Variants in FAR2 observed in about 807,000 individuals in gnomAD.
The protein encoded by FAR2 is fatty acyl-CoA reductase 2.
Under a neutral mutation model 56.0 loss-of-function variants are expected in FAR2, and 19 were observed. That is an observed-to-expected ratio of 0.34 (90% CI 0.24 to 0.50). The LOEUF (loss-of-function observed/expected upper bound fraction) is 0.50, where lower values mean the gene tolerates loss of function less well. Ranked by LOEUF, FAR2 falls within the 20% of genes least tolerant of loss-of-function variation. The pLI is 0.98. For synonymous variants in FAR2, 219 were observed against 218.8 expected (o/e 1.00, Z -0.01); for missense variants, 508 against 642.2 (o/e 0.79, Z 2.26).
At chr12:29,308,719 C>CACATATATATATATAT (rs1447696148) in intron 5 of FAR2, among the ~76,000 whole-genome samples, 3 of 132,328 alleles carry the variant, frequency 2.3e-5, no homozygotes, top group African/African-American at 8.6e-5. Flanking sequence ...CACACACACA[C>CACATATATATATATAT]ATATATATAT....
intron 2 of FAR2, chr12:29,281,450 A>T (rs1170075040): frequency 6.6e-6 from 1 of 152,142 alleles, no homozygotes; most frequent in Non-Finnish European, 1.5e-5. Context: ...TCCTCTGGAA[A>T]GTTCTTCCTT....
At chr12:29,167,730 G>A (rs563684700) in intron 1 of FAR2, among the ~76,000 whole-genome samples, 2 of 152,278 alleles carry the variant, frequency 1.3e-5, no homozygotes, top group South Asian at 4.2e-4. Context: ...TCCAACAACA[G>A]TTCAAGAATT....
chr12:29,317,003 G>A lies in FAR2; in HGVS notation c.1118G>A (p.Arg373Lys), dbSNP rs747871842. ...GACTGCTATCTGCGGCTCACTGGAA[G>A]GAAGCCCAGGTGAGAAGCTGAGTCA... ...IYDCYLRLTG[R>K]KPRMTKLMNR... The change falls in exon 9 of 12, where the codon AGG becomes AAG. Residue 373 changes from arginine to lysine, a missense_variant. By Grantham distance (26) the Arg-to-Lys change is conservative. Coordinates refer to ENST00000536681, the MANE Select transcript of FAR2 (RefSeq NM_001271783.2). 124 of 1,612,622 alleles carry A rather than the reference G, an allele frequency of 7.7e-5. No homozygotes were observed. The highest frequency in any genetic ancestry group is 1.0e-4 in the Non-Finnish European group (123 of 1,179,144).
intron 1 of FAR2, among the ~76,000 whole-genome samples, chr12:29,207,488 C>A (rs1170666906): frequency 6.6e-6 from 1 of 152,168 alleles, no homozygotes; most frequent in East Asian, 1.9e-4. Context: ...GGGTTCTCAT[C>A]CCATTTACAA....
chr12:29,163,993 ATGGTTGAG>A (rs911977391), intron 1 of FAR2, among the ~76,000 whole-genome samples: 40 of 152,210 alleles, frequency 2.6e-4, no homozygotes, highest in African/African-American at 9.7e-4. Context: ...GTAGGTCAAA[ATGGTTGAG>A]TGTTGGCAAT....
In FAR2 at chr12:29,327,120, G is replaced by C. The variant is rs143585405; in HGVS notation, c.1257+5196G>C. On this transcript the variant is annotated intron_variant, in intron 10 of 11. Transcript: ENST00000536681. ...CCTATACACCAATGACAGACAAATG[G>C]AGAGCCAAATCATGAGTAAACACCC... 4.3e-4 allele frequency among the ~76,000 whole-genome samples: 66 copies of C among 152,234 alleles called. No homozygotes were observed. The East Asian group carries it at 0.01, about 24-fold the overall frequency.
intron 1 of FAR2, among the ~76,000 whole-genome samples, chr12:29,250,458 A>T (rs1396829484): frequency 6.6e-6 from 1 of 152,196 alleles, no homozygotes; most frequent in African/African-American, 2.4e-5. Flanking sequence ...TTAGTAATAG[A>T]TCAGATTGAA....
chr12:29,208,434 T>C (rs573757908), intron 1 of FAR2, among the ~76,000 whole-genome samples: 2 of 152,314 alleles, frequency 1.3e-5, no homozygotes, highest in South Asian at 4.1e-4. Context: ...AGGCAGAAAA[T>C]GTTCCCTCTT....
At chr12:29,291,299 G>A in intron 2 of FAR2, 1 of 438,244 alleles carries the variant, frequency 2.3e-6, no homozygotes, top group African/African-American at 2.0e-5. Context: ...TCCACCTGCA[G>A]AGGCGGTTAA....
intron 1 of FAR2, among the ~76,000 whole-genome samples, chr12:29,214,584 G>A (rs1947596682): frequency 6.6e-6 from 1 of 152,190 alleles, no homozygotes; most frequent in African/African-American, 2.4e-5. Context: ...CACTTTGGGA[G>A]ACTGAGGTGG....
At chr12:29,316,164 C>T (rs1949447650) in intron 8 of FAR2, among the ~76,000 whole-genome samples, 1 of 151,568 alleles carries the variant, frequency 6.6e-6, no homozygotes, top group Non-Finnish European at 1.5e-5. Flanking sequence ...AAAAAACCTA[C>T]ATACATTAAA....
chr12:29,227,529 C>T (rs537537734), intron 1 of FAR2, among the ~76,000 whole-genome samples: 2 of 152,226 alleles, frequency 1.3e-5, no homozygotes, highest in East Asian at 3.9e-4. Context: ...GCTTCTCCAT[C>T]GACCAGATAC....
At chr12:29,262,756 A>G (rs1948443213) in intron 1 of FAR2, among the ~76,000 whole-genome samples, 1 of 152,204 alleles carries the variant, frequency 6.6e-6, no homozygotes, top group Non-Finnish European at 1.5e-5. Flanking sequence ...CAAAACAACC[A>G]GAAACTAAAT....
chr12:29,332,860 C>A, intron 11 of FAR2, 133 bp downstream of exon 11: 2 of 836,148 alleles, frequency 2.4e-6, no homozygotes, highest in Non-Finnish European at 3.9e-6. Flanking sequence ...GCACTCCATA[C>A]TCTACCCTGT....
chr12:29,331,215 T>TC (rs991218170), intron 10 of FAR2, among the ~76,000 whole-genome samples: 1 of 151,810 alleles, frequency 6.6e-6, no homozygotes, highest in Non-Finnish European at 1.5e-5. Context: ...ATAGGCTTTT[T>TC]TTTTTTTTTA....
At chr12:29,252,186 GA>G (rs1948224048) in intron 1 of FAR2, among the ~76,000 whole-genome samples, 1 of 152,146 alleles carries the variant, frequency 6.6e-6, no homozygotes, top group African/African-American at 2.4e-5. Flanking sequence ...TGGAGGTAAG[GA>G]AGAGTCTGTC....
intron 1 of FAR2, among the ~76,000 whole-genome samples, chr12:29,169,192 A>G (rs1006247397): frequency 6.6e-6 from 1 of 152,098 alleles, no homozygotes; most frequent in African/African-American, 2.4e-5. Context: ...GGACACCCCA[A>G]CTGCTGTTGG....
chr12:29,211,242 G>T (rs1947543248), intron 1 of FAR2, among the ~76,000 whole-genome samples: 1 of 152,050 alleles, frequency 6.6e-6, no homozygotes, highest in Non-Finnish European at 1.5e-5. Context: ...AGTGACCGGA[G>T]ATCACGCCAC....
intron 1 of FAR2, among the ~76,000 whole-genome samples, chr12:29,256,892 G>A (rs1031986999): frequency 7.2e-5 from 11 of 152,224 alleles, no homozygotes; most frequent in Admixed American, 7.2e-4. Context: ...GACAGGGCTC[G>A]GGACCTGCAG....
Sources: gnomAD v4.1 joint callset for allele counts (sites outside exome capture counted in the v4.1 genomes callset) on GRCh38, gnomAD v4.1.1 for gene constraint, MANE v1.5 for transcripts, NCBI Gene and HGNC (gene_info 2026-07-23, HGNC 2026-07-21) for gene names.